REEP3: variants seen among roughly 807,000 people sequenced by gnomAD.
REEP3 encodes the protein receptor expression-enhancing protein 3.
Under a neutral mutation model 41.3 loss-of-function variants are expected in REEP3, and 20 were observed. The ratio of observed to expected loss-of-function variants is 0.48; its 90% CI spans 0.34 to 0.70. The LOEUF (loss-of-function observed/expected upper bound fraction) is 0.70, where lower values mean the gene tolerates loss of function less well. REEP3 is among the 30% of genes least tolerant of loss of function. REEP3 has a pLI of 0.01. For synonymous variants in REEP3, 104 were observed against 101.8 expected (o/e 1.02, Z -0.13); for missense variants, 271 against 308.8 (o/e 0.88, Z 0.92).
intron 2 of REEP3, among the ~76,000 whole-genome samples, chr10:63,581,453 T>C (rs1281595662): frequency 6.6e-6 from 1 of 152,094 alleles, no homozygotes; most frequent in Non-Finnish European, 1.5e-5. Flanking sequence ...TTAAATTTTG[T>C]CTCTTGGCTA....
intron 1 of REEP3, among the ~76,000 whole-genome samples, chr10:63,525,048 G>A (rs1043648081): frequency 1.1e-4 from 16 of 151,872 alleles, no homozygotes; most frequent in African/African-American, 1.7e-4. Flanking sequence ...GATTAAATTA[G>A]TTTAACTAAA....
intron 4 of REEP3, 147 bp downstream of exon 4, chr10:63,598,291 C>T: frequency 2.1e-6 from 1 of 468,436 alleles, no homozygotes; most frequent in Middle Eastern, 6.5e-4. Context: ...ACCAGCCTGG[C>T]CAACATGGTG....
In REEP3 at chr10:63,578,788, A is replaced by T. The variant is rs558475359; in HGVS notation, c.105+12378A>T. On this transcript the variant is annotated intron_variant, in intron 2 of 7. Coordinates refer to ENST00000373758, the MANE Select transcript of REEP3 (RefSeq NM_001001330.3). ...CAAGACCCTGTCTCGAAACATAAAA[A>T]TAAAAATAAAGTAATACATACTGTC... Among the ~76,000 whole-genome samples the T allele has an allele frequency of 2.0e-5, 3 of 152,342 alleles. No homozygotes were observed. In the South Asian group the frequency reaches 6.2e-4, roughly 32 times the overall value.
At chr10:63,588,183 A>G (rs538313090) in intron 2 of REEP3, among the ~76,000 whole-genome samples, 1 of 152,136 alleles carries the variant, frequency 6.6e-6, no homozygotes, top group African/African-American at 2.4e-5. Flanking sequence ...GAACCCTTCA[A>G]CTCTCTTCTG....
At chr10:63,564,361 G>A (rs1440908350) in intron 1 of REEP3, among the ~76,000 whole-genome samples, 1 of 152,186 alleles carries the variant, frequency 6.6e-6, no homozygotes, top group Non-Finnish European at 1.5e-5. Flanking sequence ...TGTGGCTTGT[G>A]CCTGTAATCC....
chr10:63,548,186 G>A (rs1955596343), intron 1 of REEP3, among the ~76,000 whole-genome samples: 2 of 152,190 alleles, frequency 1.3e-5, no homozygotes, highest in African/African-American at 4.8e-5. Flanking sequence ...ACTCTCCTGA[G>A]ATGACCCTTT....
At chr10:63,578,166 C>A (rs182360501) in intron 2 of REEP3, among the ~76,000 whole-genome samples, 59 of 152,266 alleles carry the variant, frequency 3.9e-4, no homozygotes, top group Non-Finnish European at 6.5e-4. Flanking sequence ...ATGGTGTGAT[C>A]TCAGCTCAGT....
At chr10:63,617,494 G>A (rs1371597470) in intron 6 of REEP3, among the ~76,000 whole-genome samples, 1 of 152,102 alleles carries the variant, frequency 6.6e-6, no homozygotes, top group Non-Finnish European at 1.5e-5. Context: ...TGACTTCCCA[G>A]GCTCAGGTGA....
Position 63,619,676 on chromosome 10 carries a change from A to G in REEP3, c.587A>G (p.Asp196Gly), listed in dbSNP as rs377424496. ...TTAGGTTATGGAATTCCACTGAAAG[A>G]CGGAGATGAGAAAACAGATGAAGAA... ...ESAGYGIPLK[D>G]GDEKTDEEAE... Residue 196 changes from aspartate to glycine, a missense_variant, in exon 7 of 8, where the codon GAC becomes GGC. Physicochemically the swap from Asp to Gly is moderately conservative, Grantham distance 94. Coordinates refer to ENST00000373758, the MANE Select transcript of REEP3 (RefSeq NM_001001330.3). 11 of 1,603,448 alleles carry G rather than the reference A, an allele frequency of 6.9e-6. No individual in the cohort carries two copies. Among genetic ancestry groups the G allele is most frequent in the East Asian group, 2.2e-5 (1 of 44,686 alleles).
chr10:63,554,910 A>G (rs1251607142), intron 1 of REEP3, among the ~76,000 whole-genome samples: 3 of 152,156 alleles, frequency 2.0e-5, no homozygotes, highest in Non-Finnish European at 4.4e-5. Flanking sequence ...GGTCTACCAC[A>G]TGGTAGGCCC....
chr10:63,530,707 C>G (rs1189533338), intron 1 of REEP3, among the ~76,000 whole-genome samples: 1 of 151,946 alleles, frequency 6.6e-6, no homozygotes, highest in Non-Finnish European at 1.5e-5. Context: ...TATTTTAAAC[C>G]CTTTTAGGAT....
At chr10:63,585,785 C>T (rs1201770276) in intron 2 of REEP3, among the ~76,000 whole-genome samples, 1 of 151,976 alleles carries the variant, frequency 6.6e-6, no homozygotes, top group Non-Finnish European at 1.5e-5. Flanking sequence ...AGTTAATATG[C>T]CATTACTGCT....
At chr10:63,558,963 T>A (rs542150314) in intron 1 of REEP3, among the ~76,000 whole-genome samples, 11 of 152,266 alleles carry the variant, frequency 7.2e-5, no homozygotes, top group African/African-American at 2.2e-4. Flanking sequence ...ATTGAGTTGT[T>A]TTTAGTCCCT....
Position 63,619,655 on chromosome 10 carries a change from G to T in REEP3, c.566G>T (p.Gly189Val), listed in dbSNP as rs1340357272. ...ATGCTGTTTTTGACAACTTGTTTAG[G>T]TTATGGAATTCCACTGAAAGACGGA... ...KSKPAPSESA[G>V]YGIPLKDGDE... Residue 189 changes from glycine to valine, a missense_variant and splice_region_variant, in exon 7 of 8, where the codon GGT (glycine) becomes GTT (valine). Transcript: ENST00000373758. 1.9e-6 allele frequency: 3 copies of T among 1,597,926 alleles called. No individual in the cohort carries two copies. The Admixed American group carries it at 5.3e-5, about 28-fold the overall frequency.
chr10:63,527,664 G>C (rs752741399), intron 1 of REEP3, among the ~76,000 whole-genome samples: 12 of 151,964 alleles, frequency 7.9e-5, no homozygotes, highest in Non-Finnish European at 1.8e-4. Context: ...CTGGGCAACA[G>C]AGTGAGACCT....
chr10:63,620,810 C>T lies in REEP3; in HGVS notation c.712-3C>T, dbSNP rs1402857234. ...CTTAATAATAAAACATTTCTCTCTT[C>T]AGGTGCGGTACGGGTCACTAAAATA... On this transcript the variant is annotated splice_region_variant and splice_polypyrimidine_tract_variant and intron_variant, in intron 7 of 7. Coordinates refer to ENST00000373758, the MANE Select transcript of REEP3 (RefSeq NM_001001330.3). 15 of 1,592,044 alleles carry T rather than the reference C, an allele frequency of 9.4e-6. No individual in the cohort carries two copies. In the East Asian group the frequency reaches 3.1e-4, roughly 33 times the overall value.
chr10:63,524,606 G>C (rs1403570393), intron 1 of REEP3, among the ~76,000 whole-genome samples: 2 of 151,968 alleles, frequency 1.3e-5, no homozygotes, highest in African/African-American at 4.8e-5. Flanking sequence ...ACCACACCCG[G>C]CTAATTTTTT....
At chr10:63,617,168 C>T (rs554174761) in intron 6 of REEP3, among the ~76,000 whole-genome samples, 2 of 152,306 alleles carry the variant, frequency 1.3e-5, no homozygotes, top group African/African-American at 4.8e-5. Flanking sequence ...GGAACACACA[C>T]ACTTCCTTGG....
In REEP3 at chr10:63,610,208, C is replaced by T. The variant is rs372963754; in HGVS notation, c.439C>T (p.Arg147Cys). The T allele has an allele frequency of 7.8e-5, 126 of 1,609,602 alleles. No individual in the cohort carries two copies. Among genetic ancestry groups the T allele is most frequent in the Non-Finnish European group, 1.0e-4 (120 of 1,177,782 alleles). Residue 147 changes from arginine (R) to cysteine (C), a missense_variant, in exon 6 of 8, where the codon CGT becomes TGT. Transcript: ENST00000373758. ...ATAGAGCCAAGGAGCAATAACTGAACGTTTAAGAAGCTTCAGTATGCATGA... is the reference window on the plus strand; with the variant it reads ...ATAGAGCCAAGGAGCAATAACTGAATGTTTAAGAAGCTTCAGTATGCATGA... ...AVKSQGAITE[R>C]LRSFSMHDLT...
Sources: allele counts gnomAD v4.1 joint callset (sites outside exome capture counted in the v4.1 genomes callset), GRCh38; gene constraint gnomAD v4.1.1; transcripts MANE v1.5; gene names NCBI Gene and HGNC (gene_info 2026-07-23, HGNC 2026-07-21).